The following METTL8 variants were observed in gnomAD, a reference collection of about 807,000 sequenced individuals.
METTL8 encodes the protein tRNA N(3)-cytidine methyltransferase METTL8, mitochondrial.
A neutral mutation model predicts 48.7 loss-of-function variants in METTL8; 32 were observed. The ratio of observed to expected loss-of-function variants is 0.66; its 90% CI spans 0.50 to 0.88. METTL8 has a LOEUF of 0.88. METTL8 is among the 40% of genes least tolerant of loss of function. The probability of loss-of-function intolerance (pLI) is 0.00; values close to 1 mark genes in which losing one functional copy is unlikely to be tolerated. For missense variants in METTL8, 464 were observed against 474.4 expected, an observed-to-expected ratio of 0.98 and a Z score of 0.20; for synonymous variants, 136 against 157.1, an observed-to-expected ratio of 0.87 and a Z score of 1.01.
intron 7 of METTL8, among the ~76,000 whole-genome samples, chr2:171,328,081 C>T (rs1191249441): frequency 3.3e-5 from 5 of 152,174 alleles, no homozygotes; most frequent in East Asian, 3.9e-4. Context: ...GTGCAGTTCC[C>T]GAGCCAATTC....
At chr2:171,377,628 G>GA (rs1574048320) in intron 2 of METTL8, among the ~76,000 whole-genome samples, 2 of 151,882 alleles carry the variant, frequency 1.3e-5, no homozygotes, top group Admixed American at 6.6e-5. Context: ...ACAAACATAT[G>GA]AAAAAAATGC....
chr2:171,359,313 C>T (rs1684917347), intron 3 of METTL8, among the ~76,000 whole-genome samples: 1 of 152,088 alleles, frequency 6.6e-6, no homozygotes, highest in African/African-American at 2.4e-5. Flanking sequence ...AATGAGATAT[C>T]ATCTCACCTC....
In METTL8 at chr2:171,322,447, A is replaced by C. The variant is rs1684571288; in HGVS notation, c.*1725T>G. ...CAGCAAAGTGAAAACAAGTTTAAGTAAAGAATAGGCTGGGCGCGGTGGCTC... is the reference window on the plus strand; with the variant it reads ...CAGCAAAGTGAAAACAAGTTTAAGTCAAGAATAGGCTGGGCGCGGTGGCTC... On this transcript the variant is annotated 3_prime_UTR_variant, in exon 10 of 10. Transcript: ENST00000375258. The C allele has an allele frequency of 1.3e-5, 2 of 151,728 alleles. No homozygotes were observed. The highest frequency in any genetic ancestry group is 4.2e-4 in the South Asian group (2 of 4,782). 9.4% of individuals were successfully genotyped at this position (151,728 alleles called of 1,614,324 possible). A position where few individuals can be genotyped will look rare whatever the true frequency, so the allele number is the denominator to read the frequency against.
rs549088477 is a variant in METTL8 at position 171,337,749 on chromosome 2, C to T, written c.607-247G>A. On this transcript the variant is annotated intron_variant, in intron 4 of 9. Transcript: ENST00000375258. The stretch of plus-strand genomic sequence containing the variant: ...ACCAAATTTAAAAATAACCAATACG[C>T]TGTGAAGAAAACTGCAATGAATATG... 4.0e-5 allele frequency among the ~76,000 whole-genome samples: 6 copies of T among 150,342 alleles called. No individual in the cohort carries two copies. The South Asian group carries it at 1.3e-3, about 31-fold the overall frequency.
chr2:171,378,914 G>C (rs1687240719), intron 2 of METTL8, among the ~76,000 whole-genome samples: 1 of 152,176 alleles, frequency 6.6e-6, no homozygotes, highest in Non-Finnish European at 1.5e-5. Context: ...GGAACTGATG[G>C]ATATCTACAG....
intron 2 of METTL8, among the ~76,000 whole-genome samples, chr2:171,363,663 TA>T (rs1685390715): frequency 1.3e-5 from 2 of 150,972 alleles, no homozygotes; most frequent in East Asian, 1.9e-4. Context: ...ACTTCAGTGA[TA>T]GGGGAATGAA....
chr2:171,371,836 CTAT>C (rs4027587), intron 2 of METTL8, among the ~76,000 whole-genome samples: 43,223 of 143,648 alleles, frequency 0.3, 7,284 homozygotes, highest in Non-Finnish European at 0.39. Context: ...GTTATTATTA[CTAT>C]TATTATTATT....
Position 171,331,856 on chromosome 2 carries a change from T to G in METTL8, c.668A>C (p.Glu223Ala), listed in dbSNP as rs770356561. The G allele has an allele frequency of 1.3e-6, 2 of 1,598,618 alleles. No homozygotes were observed. The highest frequency in any genetic ancestry group is 1.7e-6 in the Non-Finnish European group (2 of 1,171,716). ...AAAATCACAACAATACAGAAAGGAC[T>G]CCGGAGAGTTCCTATGAAGATGGAA... ...PILNTLENSP[E>A]SFLYCCDFAS... Residue 223 changes from glutamate to alanine, a missense_variant, in exon 6 of 10, where the codon GAG becomes GCG. Transcript: ENST00000375258.
At chr2:171,349,427 G>C (rs1445811850) in intron 3 of METTL8, among the ~76,000 whole-genome samples, 2 of 152,070 alleles carry the variant, frequency 1.3e-5, no homozygotes, top group Admixed American at 1.3e-4. Flanking sequence ...CTGTCTTTTT[G>C]TGGTGGCTTA....
At chr2:171,400,099 T>C (rs1689500159) in intron 1 of METTL8, among the ~76,000 whole-genome samples, 1 of 152,118 alleles carries the variant, frequency 6.6e-6, no homozygotes, top group Non-Finnish European at 1.5e-5. Flanking sequence ...AGCACTTATA[T>C]ACAGTATATT....
At chr2:171,405,690 A>G (rs1690104870) in intron 1 of METTL8, among the ~76,000 whole-genome samples, 1 of 152,346 alleles carries the variant, frequency 6.6e-6, no homozygotes, top group Non-Finnish European at 1.5e-5. Flanking sequence ...AAGATACTGA[A>G]AAAAGAAAAT....
intron 1 of METTL8, among the ~76,000 whole-genome samples, chr2:171,414,424 A>C (rs1351292237): frequency 1.3e-5 from 2 of 151,854 alleles, no homozygotes; most frequent in Non-Finnish European, 2.9e-5. Flanking sequence ...TCTCAAAAAA[A>C]AAAAAAAACA....
chr2:171,376,039 T>C (rs1474486437), intron 2 of METTL8, among the ~76,000 whole-genome samples: 2 of 152,236 alleles, frequency 1.3e-5, no homozygotes, highest in African/African-American at 2.4e-5. Context: ...GTAGCCTTTA[T>C]GAGGGTCTGG....
chr2:171,328,029 G>C (rs1190152573), intron 7 of METTL8, among the ~76,000 whole-genome samples: 1 of 152,164 alleles, frequency 6.6e-6, no homozygotes, highest in African/African-American at 2.4e-5. Flanking sequence ...TAAAGGCAAG[G>C]AACGGGAGCT....
chr2:171,345,117 T>C (rs761999899), intron 3 of METTL8, among the ~76,000 whole-genome samples: 1 of 152,226 alleles, frequency 6.6e-6, no homozygotes, highest in Non-Finnish European at 1.5e-5. Context: ...AACTGCTTTA[T>C]GCCAGTGGCA....
intron 1 of METTL8, among the ~76,000 whole-genome samples, chr2:171,427,844 C>A (rs898928941): frequency 6.6e-6 from 1 of 152,146 alleles, no homozygotes; most frequent in East Asian, 1.9e-4. Flanking sequence ...TACTGCTATA[C>A]CCTATGCCAA....
intron 3 of METTL8, among the ~76,000 whole-genome samples, chr2:171,344,232 T>C (rs1687055201): frequency 6.6e-6 from 1 of 152,216 alleles, no homozygotes; most frequent in African/African-American, 2.4e-5. Flanking sequence ...CTCAGATAGA[T>C]TTTATTATTC....
intron 2 of METTL8, among the ~76,000 whole-genome samples, chr2:171,366,809 G>A (rs1255995886): frequency 4.0e-5 from 6 of 150,686 alleles, no homozygotes; most frequent in East Asian, 3.9e-4. Context: ...TAGAAGAATC[G>A]CTTGAGTACG....
intron 3 of METTL8, among the ~76,000 whole-genome samples, chr2:171,356,960 T>TTTTTGTTTTTTTTTTC (rs1559101901): frequency 7.3e-5 from 9 of 123,626 alleles, no homozygotes; most frequent in African/African-American, 2.6e-4. Context: ...ATATTTTTTT[T>TTTTTGTTTTTTTTTTC]TTTTTTTTTG....
Sources: allele counts gnomAD v4.1 joint callset (sites outside exome capture counted in the v4.1 genomes callset), GRCh38; gene constraint gnomAD v4.1.1; transcripts MANE v1.5; gene names NCBI Gene and HGNC (gene_info 2026-07-23, HGNC 2026-07-21).